MTPN: variants seen among roughly 807,000 people sequenced by gnomAD.
MTPN encodes the protein myotrophin, also known as granule cell differentiation protein.
Under a neutral mutation model 13.5 loss-of-function variants are expected in MTPN, and 2 were observed. The observed-to-expected ratio is 0.15, with a 90% CI of 0.06 to 0.47. MTPN has a LOEUF of 0.47. Among genes scored for constraint, MTPN ranks in the 20% least tolerant of loss-of-function variants. The probability of loss-of-function intolerance (pLI) is 0.97; values close to 1 mark genes in which losing one functional copy is unlikely to be tolerated. For synonymous variants in MTPN, 46 were observed against 51.7 expected (o/e 0.89, Z 0.48); for missense variants, 79 against 137.9 (o/e 0.57, Z 2.14).
chr7:135,937,824 G>A (rs1332629418), intron 3 of MTPN, among the ~76,000 whole-genome samples: 1 of 152,068 alleles, frequency 6.6e-6, no homozygotes, highest in Non-Finnish European at 1.5e-5. Flanking sequence ...GAGGATAAAG[G>A]TCTTTATGGT....
chr7:135,943,444 C>T (rs941717683), intron 3 of MTPN, among the ~76,000 whole-genome samples: 2 of 152,020 alleles, frequency 1.3e-5, no homozygotes, highest in Non-Finnish European at 1.5e-5. Flanking sequence ...TAACTGGCTA[C>T]GTGATTAAAA....
In MTPN at chr7:135,929,597, T is replaced by C. The variant is rs571048635; in HGVS notation, c.*329A>G. 1.2e-4 allele frequency: 32 copies of C among 259,340 alleles called. No individual in the cohort carries two copies. Among genetic ancestry groups the C allele is most frequent in the Non-Finnish European group, 2.5e-4 (30 of 121,304 alleles). The allele number at this position is 259,340 out of a possible 1,614,324, so 16.1% of individuals were successfully genotyped here. A position where few individuals can be genotyped will look rare whatever the true frequency, so the allele number is the denominator to read the frequency against. ...GAATCAGACCTTCAACACAATCTAA[T>C]AAATTAGCTAGGGAGCTGAAAAGGT... On this transcript the variant is annotated 3_prime_UTR_variant, in exon 4 of 4. Transcript: ENST00000393085.
chr7:135,931,428 GGGA>G (rs956945754), intron 3 of MTPN, among the ~76,000 whole-genome samples: 1 of 152,106 alleles, frequency 6.6e-6, no homozygotes, highest in African/African-American at 2.4e-5. Flanking sequence ...AGGTAAACCA[GGGA>G]GGAGATGACA....
At position 135,953,884 on chromosome 7, in the gene MTPN, CTTAAG is replaced by C. The variant is rs371460931; in HGVS notation, c.73-2259_73-2255del. Among the ~76,000 whole-genome samples the C allele has an allele frequency of 5.7e-3, 866 of 152,198 alleles. 2 individuals carry two copies. The highest frequency in any genetic ancestry group is 8.2e-3 in the Non-Finnish European group (559 of 68,002). ...GCAATAATTTCTAAATGATTGTTTA[CTTAAG>C]TTAATATGTGATACATGCATTACAA... On this transcript the variant is annotated intron_variant, in intron 1 of 3. Transcript: ENST00000393085.
At chr7:135,952,023 T>G (rs941335587) in intron 1 of MTPN, among the ~76,000 whole-genome samples, 1 of 152,230 alleles carries the variant, frequency 6.6e-6, no homozygotes, top group Non-Finnish European at 1.5e-5. Flanking sequence ...TATTCCCACT[T>G]TGATGTAGGC....
intron 1 of MTPN, chr7:135,960,791 T>C (rs1310998991): frequency 6.6e-6 from 1 of 151,490 alleles, no homozygotes; most frequent in Non-Finnish European, 1.5e-5. Flanking sequence ...CGCAAATTCA[T>C]GAAACAGTCC....
chr7:135,940,255 A>C (rs1409687080), intron 3 of MTPN, among the ~76,000 whole-genome samples: 1 of 152,190 alleles, frequency 6.6e-6, no homozygotes, highest in African/African-American at 2.4e-5. Flanking sequence ...GAAACTACTA[A>C]AAATGGATTT....
At chr7:135,964,228 T>C (rs1326058241) in intron 1 of MTPN, among the ~76,000 whole-genome samples, 2 of 152,088 alleles carry the variant, frequency 1.3e-5, no homozygotes, top group Admixed American at 6.6e-5. Flanking sequence ...CTAAGTGTTA[T>C]CCATATTTCA....
intron 1 of MTPN, among the ~76,000 whole-genome samples, chr7:135,957,071 G>A (rs1194292668): frequency 6.6e-6 from 1 of 152,146 alleles, no homozygotes; most frequent in Non-Finnish European, 1.5e-5. Context: ...CATGAAGTCT[G>A]TCAGTTATTA....
At chr7:135,975,343 A>T (rs757383389) in intron 1 of MTPN, among the ~76,000 whole-genome samples, 9 of 152,208 alleles carry the variant, frequency 5.9e-5, no homozygotes, top group Non-Finnish European at 1.3e-4. Context: ...TCTTAGACTG[A>T]GAGATAGTGC....
At chr7:135,938,279 A>AAC (rs770841713) in intron 3 of MTPN, among the ~76,000 whole-genome samples, 10 of 152,324 alleles carry the variant, frequency 6.6e-5, no homozygotes, top group South Asian at 4.1e-4. Flanking sequence ...CACACAGATA[A>AAC]ACACACACAC....
chr7:135,945,284 A>T (rs530774607), intron 3 of MTPN, among the ~76,000 whole-genome samples: 3 of 152,172 alleles, frequency 2.0e-5, no homozygotes, highest in Non-Finnish European at 2.9e-5. Context: ...CACTAAATTT[A>T]TAAGAAAAAT....
chr7:135,964,847 A>C (rs904783478), intron 1 of MTPN, among the ~76,000 whole-genome samples: 1 of 152,086 alleles, frequency 6.6e-6, no homozygotes, highest in African/African-American at 2.4e-5. Flanking sequence ...TATATCTCAA[A>C]AACTTGAGAA....
intron 3 of MTPN, among the ~76,000 whole-genome samples, chr7:135,944,959 G>A (rs1799269617): frequency 1.3e-5 from 2 of 152,100 alleles, no homozygotes; most frequent in Admixed American, 1.3e-4. Flanking sequence ...AGATGGTATG[G>A]CCTACTACAC....
At chr7:135,936,165 G>A (rs1799112038) in intron 3 of MTPN, among the ~76,000 whole-genome samples, 1 of 152,094 alleles carries the variant, frequency 6.6e-6, no homozygotes, top group Admixed American at 6.6e-5. Flanking sequence ...CCTTGCACAG[G>A]CCCAATAAGA....
rs1320217251 is a variant in MTPN, at chr7:135,927,733, A to C, written c.*2193T>G. On this transcript the variant is annotated 3_prime_UTR_variant, in exon 4 of 4. Transcript: ENST00000393085. Reference sequence around the variant, plus strand: ...TTATTTTCTCAAGCAATCGCTTCATAATTATAGGGTTTACAAAAAGGTCGA... The same window carrying C: ...TTATTTTCTCAAGCAATCGCTTCATCATTATAGGGTTTACAAAAAGGTCGA... 6 of 491,322 alleles carry C rather than the reference A, an allele frequency of 1.2e-5. No homozygotes were observed. Among genetic ancestry groups the C allele is most frequent in the Non-Finnish European group, 2.1e-5 (5 of 242,004 alleles). 30.4% of individuals were successfully genotyped at this position (491,322 alleles called of 1,614,324 possible). A position where few individuals can be genotyped will look rare whatever the true frequency, so the allele number is the denominator to read the frequency against.
At position 135,929,077 on chromosome 7, in the gene MTPN, T is replaced by C. The variant is rs2116332871; in HGVS notation, c.*849A>G. ...CTAAGATAACTGTTCTCTCTTCATA[T>C]GATACTAACAGGCTTATGGCTATGA... is the stretch of plus-strand genomic sequence containing the variant. On this transcript the variant is annotated 3_prime_UTR_variant, in exon 4 of 4. Transcript: ENST00000393085. 6.0e-6 allele frequency: 1 copy of C among 167,206 alleles called. No individual in the cohort carries two copies. Among genetic ancestry groups the C allele is most frequent in the Non-Finnish European group, 1.5e-5 (1 of 68,108 alleles). 10.4% of individuals were successfully genotyped at this position (167,206 alleles called of 1,614,324 possible). A position where few individuals can be genotyped will look rare whatever the true frequency, so the allele number is the denominator to read the frequency against.
Position 135,946,507 on chromosome 7 carries a change from T to C in MTPN, c.270+4092A>G, listed in dbSNP as rs10226275. On this transcript the variant is annotated intron_variant, in intron 3 of 3. Coordinates refer to ENST00000393085, the MANE Select transcript of MTPN (RefSeq NM_145808.4). ...CATGGCCTGGATATTTGTTTTTGTA[T>C]ATGAAGTTTTACTGGGATGCAGCCA... Among the ~76,000 whole-genome samples, 1,217 of 152,246 alleles carry C rather than the reference T, an allele frequency of 8.0e-3. 11 individuals carry two copies. The highest frequency in any genetic ancestry group is 0.028 in the African/African-American group (1,180 of 41,528).
chr7:135,976,904 G>T lies in MTPN; in HGVS notation c.72+125C>A. 5.4e-6 allele frequency: 5 copies of T among 917,462 alleles called. No individual in the cohort carries two copies. In the South Asian group the frequency reaches 5.8e-5, roughly 11 times the overall value. The allele number at this position is 917,462 out of a possible 1,614,324, so 56.8% of individuals were successfully genotyped here. ...TAGACGCCCCTCTCTCCTTGGTGCC[G>T]CCTCCACCCAGGAAGTCTCTCCTCC... On this transcript the variant is annotated intron_variant, in intron 1 of 3. Coordinates refer to ENST00000393085, the MANE Select transcript of MTPN (RefSeq NM_145808.4).
Sources: allele counts gnomAD v4.1 joint callset (sites outside exome capture counted in the v4.1 genomes callset), GRCh38; gene constraint gnomAD v4.1.1; transcripts MANE v1.5; gene names NCBI Gene and HGNC (gene_info 2026-07-23, HGNC 2026-07-21).